TEDC1: variants seen among roughly 807,000 people sequenced by gnomAD.
TEDC1 encodes the protein tubulin epsilon and delta complex 1, also known as tubulin epsilon and delta complex protein 1.
A neutral mutation model predicts 59.9 loss-of-function variants in TEDC1; 54 were observed. The observed-to-expected ratio is 0.90, with a 90% CI of 0.72 to 1.13. The LOEUF is 1.13. Ranked by LOEUF, TEDC1 falls within the 50% of genes most tolerant of loss-of-function variation. The pLI, the probability that TEDC1 is intolerant of heterozygous loss-of-function variation, is 0.00. For missense variants in TEDC1, 734 were observed against 683.4 expected, an observed-to-expected ratio of 1.07 and a Z score of -0.83; for synonymous variants, 353 against 298.1, an observed-to-expected ratio of 1.18 and a Z score of -1.90.
chr14:105,493,789 G>A (rs2084274270), intron 4 of TEDC1, 46 bp from the exon 5 acceptor site: 1 of 1,392,448 alleles, frequency 7.2e-7, no homozygotes, highest in African/African-American at 1.4e-5. Context: ...CGTTGGGGGA[G>A]GTGCTTGACT....
chr14:105,498,787 C>T lies in TEDC1; in HGVS notation c.1329C>T (p.Asp443=), dbSNP rs781963893. Residue 443 remains aspartate, a synonymous_variant, in exon 9 of 9, where the codon GAC becomes GAT. Transcript: ENST00000392523. ...LVRREDGAAG[D]RDLRAAVVIR... ...GACGAGAGGATGGGGCAGCAGGGGACCGGGACCTGCGGGCAGCTGTGGTGA... is the reference window on the plus strand; with the variant it reads ...GACGAGAGGATGGGGCAGCAGGGGATCGGGACCTGCGGGCAGCTGTGGTGA... 6.3e-7 allele frequency: 1 copy of T among 1,579,694 alleles called. No homozygotes were observed. The highest frequency in any genetic ancestry group is 8.6e-7 in the Non-Finnish European group (1 of 1,164,112).
In TEDC1 at chr14:105,492,720, G is replaced by C; in HGVS notation, c.571G>C (p.Ala191Pro). 1 of 1,542,894 alleles carries C rather than the reference G, an allele frequency of 6.5e-7. No homozygotes were observed. The highest frequency in any genetic ancestry group is 8.7e-7 in the Non-Finnish European group (1 of 1,146,838). ...GGTGTCCAGTCAGCAGGAGCAGTGC[G>C]CCCTCCTGAGCAAGGTAGAGCTGGC... Reference protein sequence around the residue: ...QLVSSQQEQCALLSKIHLYTR... With the variant: ...QLVSSQQEQCPLLSKIHLYTR... The change falls in exon 4 of 9, where the codon GCC (alanine) becomes CCC (proline). Residue 191 changes from alanine (A) to proline (P), a missense_variant. Coordinates refer to ENST00000392523, the MANE Select transcript of TEDC1 (RefSeq NM_001367178.1).
At chr14:105,491,788 C>T (rs780614990) in intron 2 of TEDC1, 88 bp downstream of exon 2, 369 of 1,423,326 alleles carry the variant, frequency 2.6e-4, no homozygotes, top group Non-Finnish European at 3.4e-4. Context: ...AGCCCCGCCC[C>T]GGCAGGCTCT....
intron 4 of TEDC1, 36 bp from the exon 5 acceptor site, chr14:105,493,799 T>C: frequency 6.7e-7 from 1 of 1,502,544 alleles, no homozygotes; most frequent in South Asian, 1.1e-5. Context: ...GGTGCTTGAC[T>C]GCCACTCAGC....
intron 6 of TEDC1, 98 bp from the exon 7 acceptor site, chr14:105,497,253 CTAGGCG>C: frequency 8.8e-7 from 1 of 1,135,316 alleles, no homozygotes; most frequent in Non-Finnish European, 1.3e-6. Flanking sequence ...GGGGCGTGAG[CTAGGCG>C]TTGGGCCGGG....
intron 3 of TEDC1, 32 bp downstream of exon 3, chr14:105,492,341 C>T (rs2084234714): frequency 1.3e-6 from 2 of 1,594,796 alleles, no homozygotes; most frequent in Non-Finnish European, 8.5e-7. Flanking sequence ...CTGAGCCAGC[C>T]CTGGTCTCAA....
At position 105,495,964 on chromosome 14, in the gene TEDC1, A is replaced by T. The variant is rs782595569; in HGVS notation, c.769A>T (p.Arg257Ter). ...HSFCTPGMGP[R>*]TFWNDLWLVC... is the part of the protein sequence containing the mutation. Reference sequence around the variant, plus strand: ...CTTCTGCACTCCTGGGATGGGTCCCAGAACCTTCTGGAATGATCTGTGGCT... The same window carrying T: ...CTTCTGCACTCCTGGGATGGGTCCCTGAACCTTCTGGAATGATCTGTGGCT... Residue 257 changes from arginine to a stop codon, truncating the protein, a stop_gained, in exon 6 of 9, where the codon AGA (arginine) becomes TGA (stop). Coordinates refer to ENST00000392523, the MANE Select transcript of TEDC1 (RefSeq NM_001367178.1). LOFTEE classifies it high-confidence loss of function. 6.5e-7 allele frequency: 1 copy of T among 1,550,380 alleles called. No individual in the cohort carries two copies. Among genetic ancestry groups the T allele is most frequent in the South Asian group, 1.2e-5 (1 of 84,060 alleles).
rs372669658 is a variant in TEDC1, at chr14:105,498,689, C to G, written c.1231C>G (p.Leu411Val). 4.1e-5 allele frequency: 63 copies of G among 1,553,486 alleles called. No homozygotes were observed. The Admixed American group carries it at 4.5e-4, about 11-fold the overall frequency. The change falls in exon 9 of 9, where the codon CTG (leucine) becomes GTG (valine). Residue 411 changes from leucine (L) to valine (V), a missense_variant. Physicochemically the swap from Leu to Val is conservative, Grantham distance 32. Transcript: ENST00000392523. ...RASREAVEKE[L>V]GALQQCWERD... ...CTCTCGGGAGGCTGTGGAAAAGGAG[C>G]TGGGAGCTCTACAGCAGTGCTGGGA...
chr14:105,495,901 C>T lies in TEDC1; in HGVS notation c.706C>T (p.Gln236Ter), dbSNP rs1459425844. 8 of 1,550,018 alleles carry T rather than the reference C, an allele frequency of 5.2e-6. No individual in the cohort carries two copies. In the African/African-American group the frequency reaches 8.2e-5, roughly 16 times the overall value. ...CAAGGTTTCTGGAGCGGGAGCTGCC[C>T]AAAACCTGGACCTGGCCTACCCAAA... The part of the protein sequence containing the change: ...GQQVSGAGAA[Q>*]NLDLAYPKCL... Residue 236 changes from glutamine (Q) to a stop codon, truncating the protein, a stop_gained, in exon 6 of 9, where the codon CAA becomes TAA. Transcript: ENST00000392523. LOFTEE classifies it high-confidence loss of function.
In TEDC1 at chr14:105,495,887, G is replaced by C; in HGVS notation, c.692G>C (p.Gly231Ala). ...RDPEGGQQVS[G>A]AGAAQNLDLA... ...GGCTGGCTTCCTTCCAAGGTTTCTG[G>C]AGCGGGAGCTGCCCAAAACCTGGAC... The change falls in exon 6 of 9, where the codon GGA becomes GCA. Residue 231 changes from glycine to alanine, a missense_variant. Physicochemically the swap from Gly to Ala is moderately conservative, Grantham distance 60. Transcript: ENST00000392523. 1 of 1,549,556 alleles carries C rather than the reference G, an allele frequency of 6.5e-7. No homozygotes were observed. Among genetic ancestry groups the C allele is most frequent in the Non-Finnish European group, 8.7e-7 (1 of 1,146,610 alleles).
chr14:105,493,958 G>A (rs782563406), intron 5 of TEDC1, 25 bp downstream of exon 5: 9 of 819,186 alleles, frequency 1.1e-5, no homozygotes, highest in Admixed American at 2.3e-5. Flanking sequence ...GCTGCTGCGG[G>A]GGGGTGGGGG....
chr14:105,498,516 G>A, intron 8 of TEDC1, 101 bp from the exon 9 acceptor site: 1 of 1,287,758 alleles, frequency 7.8e-7, no homozygotes, highest in Non-Finnish European at 1.0e-6. Context: ...TTTCCCGCAT[G>A]CCTGCAGCGC....
chr14:105,497,616 GC>G, intron 7 of TEDC1, 173 bp downstream of exon 7: 1 of 1,095,066 alleles, frequency 9.1e-7, no homozygotes, highest in East Asian at 2.6e-5. Context: ...GCTCACTGCT[GC>G]CCCCGCCCTC....
At chr14:105,496,146 G>GGGGGGGGGCCCCCCCCCC in intron 6 of TEDC1, 60 bp downstream of exon 6, 1 of 331,608 alleles carries the variant, frequency 3.0e-6, no homozygotes, top group Non-Finnish European at 5.9e-6. Flanking sequence ...GGGTGGGAGG[G>GGGGGGGGGCCCCCCCCCC]GGTGGCGAGG....
rs1595468732 is a variant in TEDC1, at chr14:105,491,428, C to A, written c.53C>A (p.Ala18Asp). 1.4e-6 allele frequency: 2 copies of A among 1,429,578 alleles called. No homozygotes were observed. The highest frequency in any genetic ancestry group is 2.7e-5 in the East Asian group (1 of 37,034). The allele number at this position is 1,429,578 out of a possible 1,614,324, so 88.6% of individuals were successfully genotyped here. ...CCCGCGGCTGGGGCCCGGGCCGGGG[C>A]CCTGCCTGAGGCCATCGCCGCGTTG... The part of the protein sequence containing the change: ...VDPAAGARAG[A>D]LPEAIAALSR... Residue 18 changes from alanine to aspartate, a missense_variant, in exon 1 of 9, where the codon GCC (alanine) becomes GAC (aspartate). By Grantham distance (126) the Ala-to-Asp change is moderately radical. Coordinates refer to ENST00000392523, the MANE Select transcript of TEDC1 (RefSeq NM_001367178.1).
At position 105,499,105 on chromosome 14, in the gene TEDC1, C is replaced by G; in HGVS notation, c.*159C>G. On this transcript the variant is annotated 3_prime_UTR_variant, in exon 9 of 9. Transcript: ENST00000392523. ...GGGGTGGGGCTGGGCTGACTCTGGC[C>G]GGATCCCAGGCCTGTGGCTAGCAGC... The G allele has an allele frequency of 8.9e-6, 7 of 786,868 alleles. No individual in the cohort carries two copies. The highest frequency in any genetic ancestry group is 3.5e-5 in the African/African-American group (2 of 57,416). The allele number at this position is 786,868 out of a possible 1,614,324, so 48.7% of individuals were successfully genotyped here.
chr14:105,490,160 T>C (rs1254800440), upstream of TEDC1: 1 of 43,526 alleles, frequency 2.3e-5, no homozygotes, highest in African/African-American at 6.7e-5. Flanking sequence ...AGGGGCTTGC[T>C]GGGGGGGGGG....
At chr14:105,498,465 C>T in intron 8 of TEDC1, 152 bp from the exon 9 acceptor site, 2 of 830,934 alleles carry the variant, frequency 2.4e-6, no homozygotes, top group Non-Finnish European at 1.8e-6. Context: ...CATGATTTTC[C>T]CCTTAAAATT....
At chr14:105,491,220 A>G (rs896219472), upstream of TEDC1, 12 of 1,542,122 alleles carry the variant, frequency 7.8e-6, no homozygotes, top group South Asian at 1.2e-4. Context: ...TGGGCGCTGG[A>G]CCCGGCCCGT....
Sources: gnomAD v4.1 joint callset for allele counts on GRCh38, gnomAD v4.1.1 for gene constraint, MANE v1.5 for transcripts, NCBI Gene and HGNC (gene_info 2026-07-23, HGNC 2026-07-21) for gene names.